The following DPP6 variants were observed in gnomAD, a reference collection of about 807,000 sequenced individuals.
DPP6 encodes the protein dipeptidyl peptidase like 6, also known as A-type potassium channel modulatory protein DPP6.
A neutral mutation model predicts 122.6 loss-of-function variants in DPP6; 69 were observed. The ratio of observed to expected loss-of-function variants is 0.56; its 90% CI spans 0.46 to 0.69. DPP6 has a LOEUF of 0.69. Among genes scored for constraint, DPP6 ranks in the 30% least tolerant of loss-of-function variants. The pLI, the probability that DPP6 is intolerant of heterozygous loss-of-function variation, is 0.00. For synonymous variants in DPP6, 418 were observed against 433.1 expected (o/e 0.97, Z 0.43); for missense variants, 928 against 1,116.9 (o/e 0.83, Z 2.41).
At chr7:154,701,956 G>A (rs1004004032) in intron 7 of DPP6, among the ~76,000 whole-genome samples, 9 of 152,204 alleles carry the variant, frequency 5.9e-5, no homozygotes, top group Admixed American at 5.9e-4. Context: ...TTGAAGGTTT[G>A]TAGCAACCCT....
intron 1 of DPP6, among the ~76,000 whole-genome samples, chr7:154,434,730 C>A (rs149768856): frequency 1.3e-5 from 2 of 152,254 alleles, no homozygotes; most frequent in Non-Finnish European, 2.9e-5. Context: ...GAGTCTCTTC[C>A]ACGTTTTTGA....
chr7:154,822,666 C>G (rs1284897028), intron 16 of DPP6, among the ~76,000 whole-genome samples: 1 of 152,082 alleles, frequency 6.6e-6, no homozygotes, highest in Non-Finnish European at 1.5e-5. Context: ...ACAGTGTCAG[C>G]CCCCCGCCCC....
At chr7:154,010,936 C>A (rs1419866525) in intron 1 of DPP6, among the ~76,000 whole-genome samples, 1 of 152,150 alleles carries the variant, frequency 6.6e-6, no homozygotes, top group African/African-American at 2.4e-5. Context: ...CCATCCTGAT[C>A]AAAAATAGTC....
rs1382643357 is a variant in DPP6, at chr7:154,615,534, CGTAA to C, written c.628-22279_628-22276del. ...CATAACGTTTATTATTTTAACCATC[CGTAA>C]GTAAGTATACGATTCAGTGGCATTA... On this transcript the variant is annotated intron_variant, in intron 5 of 25. Transcript: ENST00000377770. 8.5e-5 allele frequency among the ~76,000 whole-genome samples: 13 copies of C among 152,268 alleles called. No homozygotes were observed. In the East Asian group the frequency reaches 2.3e-3, roughly 27 times the overall value.
intron 1 of DPP6, among the ~76,000 whole-genome samples, chr7:154,089,494 A>G (rs28405026): frequency 0.13 from 16,506 of 124,950 alleles, 1,288 homozygotes; most frequent in African/African-American, 0.19. Context: ...GGACAATACT[A>G]ATTGTCTCAC....
At chr7:153,826,228 T>A in the DPP6 span, among the ~76,000 whole-genome samples, 2 of 152,282 alleles carry the variant, frequency 1.3e-5, no homozygotes, top group African/African-American at 4.8e-5. Context: ...ATGTAGGGTA[T>A]TTCAAGCTAA....
intron 8 of DPP6, among the ~76,000 whole-genome samples, chr7:154,762,134 T>A (rs1009327778): frequency 6.6e-6 from 1 of 152,176 alleles, no homozygotes; most frequent in South Asian, 2.1e-4. Flanking sequence ...GACTCTAGTA[T>A]CAGAATGACA....
chr7:153,852,873 C>T, the DPP6 span, among the ~76,000 whole-genome samples: 1 of 152,064 alleles, frequency 6.6e-6, no homozygotes, highest in Non-Finnish European at 1.5e-5. Context: ...AAATGCATCT[C>T]GACTGTGGTT....
At chr7:154,843,437 C>G (rs906620313) in intron 16 of DPP6, among the ~76,000 whole-genome samples, 3 of 152,196 alleles carry the variant, frequency 2.0e-5, no homozygotes, top group African/African-American at 4.8e-5. Context: ...TTCTTCTTTC[C>G]TTTCCCTCAG....
At chr7:153,904,002 C>T (rs1282139400) in intron 1 of DPP6, among the ~76,000 whole-genome samples, 1 of 152,102 alleles carries the variant, frequency 6.6e-6, no homozygotes, top group Non-Finnish European at 1.5e-5. Context: ...AGCAAAGGAG[C>T]AGGTGGGAAA....
intron 7 of DPP6, among the ~76,000 whole-genome samples, chr7:154,713,460 T>C (rs1397165237): frequency 1.3e-5 from 2 of 152,238 alleles, no homozygotes; most frequent in African/African-American, 2.4e-5. Context: ...GCAGCAAACT[T>C]CTACCTGGAC....
At chr7:154,815,875 T>G (rs1226973387) in intron 16 of DPP6, among the ~76,000 whole-genome samples, 1 of 152,168 alleles carries the variant, frequency 6.6e-6, no homozygotes, top group Non-Finnish European at 1.5e-5. Flanking sequence ...AAGACAGGCT[T>G]CTCCTTCTCC....
At chr7:154,411,974 C>T (rs553469553) in intron 1 of DPP6, among the ~76,000 whole-genome samples, 1 of 152,112 alleles carries the variant, frequency 6.6e-6, no homozygotes, top group Non-Finnish European at 1.5e-5. Context: ...AACAGCAGAA[C>T]TTGACTTCTC....
intron 1 of DPP6, among the ~76,000 whole-genome samples, chr7:153,916,678 A>C (rs2129005656): frequency 6.6e-6 from 1 of 152,132 alleles, no homozygotes; most frequent in East Asian, 2.0e-4. Flanking sequence ...AAGTGCTGGG[A>C]TTACAAGCGT....
chr7:154,691,302 A>G (rs1337377545), intron 7 of DPP6, among the ~76,000 whole-genome samples: 1 of 152,182 alleles, frequency 6.6e-6, no homozygotes, highest in Non-Finnish European at 1.5e-5. Context: ...GACACCTCCT[A>G]ATTCTTGCTC....
intron 3 of DPP6, among the ~76,000 whole-genome samples, chr7:154,480,341 G>T (rs6959127): frequency 6.6e-6 from 1 of 151,804 alleles, no homozygotes. Flanking sequence ...ATCCACTCCC[G>T]TTAGGCTACC....
chr7:154,238,632 C>T (rs1363348768), intron 1 of DPP6, among the ~76,000 whole-genome samples: 1 of 152,220 alleles, frequency 6.6e-6, no homozygotes, highest in African/African-American at 2.4e-5. Context: ...CTCAAGCACA[C>T]TGGTTCCAGA....
intron 1 of DPP6, among the ~76,000 whole-genome samples, chr7:153,898,784 A>G (rs1378541991): frequency 6.6e-6 from 1 of 152,188 alleles, no homozygotes; most frequent in East Asian, 1.9e-4. Context: ...GATGAAAACC[A>G]GCCTTATTTC....
chr7:153,794,956 G>T, the DPP6 span, among the ~76,000 whole-genome samples: 1 of 152,076 alleles, frequency 6.6e-6, no homozygotes, highest in Admixed American at 6.6e-5. Context: ...CCAGCTATGT[G>T]GAACTATAAG....
Sources: allele counts gnomAD v4.1 joint callset (sites outside exome capture counted in the v4.1 genomes callset), GRCh38; gene constraint gnomAD v4.1.1; transcripts MANE v1.5; gene names NCBI Gene and HGNC (gene_info 2026-07-23, HGNC 2026-07-21).